DCC: variants seen among roughly 807,000 people sequenced by gnomAD.
The protein encoded by DCC is netrin receptor DCC.
A neutral mutation model predicts 172.5 loss-of-function variants in DCC; 58 were observed. That is an observed-to-expected ratio of 0.34 (90% CI 0.27 to 0.42). The LOEUF (loss-of-function observed/expected upper bound fraction) is 0.42. Ranked by LOEUF, DCC falls within the 10% of genes least tolerant of loss-of-function variation. DCC has a pLI of 1.00. For missense variants in DCC, 1,740 were observed against 1,791.0 expected (o/e 0.97, Z 0.51); for synonymous variants, 709 against 644.5 (o/e 1.10, Z -1.52).
chr18:53,471,417 C>A (rs1033009925), intron 25 of DCC, among the ~76,000 whole-genome samples: 2 of 152,014 alleles, frequency 1.3e-5, no homozygotes, highest in African/African-American at 4.8e-5. Context: ...TTTTTTGTAC[C>A]CATTAATCTT....
intron 1 of DCC, among the ~76,000 whole-genome samples, chr18:52,550,000 C>G (rs1354455445): frequency 6.6e-6 from 1 of 151,890 alleles, no homozygotes; most frequent in Non-Finnish European, 1.5e-5. Context: ...AAAAAAGTAA[C>G]TTTATAGTAG....
In DCC at chr18:52,857,393, A is replaced by G. The variant is rs114558078; in HGVS notation, c.413-48651A>G. Among the ~76,000 whole-genome samples the G allele has an allele frequency of 2.2e-3, 335 of 152,278 alleles. 2 individuals are homozygous for G. The highest frequency in any genetic ancestry group is 7.7e-3 in the African/African-American group (319 of 41,558). Reference sequence around the variant, plus strand: ...AAAGAGAAAGATGGTCCACTTAACTAGGGAAAAAAAGTTTCATTTTAGTGC... The same window carrying G: ...AAAGAGAAAGATGGTCCACTTAACTGGGGAAAAAAAGTTTCATTTTAGTGC... On this transcript the variant is annotated intron_variant, in intron 2 of 28. Transcript: ENST00000442544.
intron 22 of DCC, among the ~76,000 whole-genome samples, chr18:53,447,232 T>C (rs375798917): frequency 1.4e-3 from 208 of 152,350 alleles, no homozygotes; most frequent in Middle Eastern, 6.8e-3. Flanking sequence ...ATAACAAGAA[T>C]TGACTGCCAC....
At chr18:52,943,885 G>A (rs962610205) in intron 5 of DCC, among the ~76,000 whole-genome samples, 1 of 152,056 alleles carries the variant, frequency 6.6e-6, no homozygotes, top group African/African-American at 2.4e-5. Context: ...GAGCAGCTGG[G>A]GCCGCAGGTG....
At chr18:53,144,503 A>G (rs900546397) in intron 7 of DCC, among the ~76,000 whole-genome samples, 12 of 152,138 alleles carry the variant, frequency 7.9e-5, no homozygotes, top group Non-Finnish European at 1.3e-4. Context: ...TCCCCCTTAT[A>G]AAACCATCAG....
chr18:52,423,713 T>C (rs1013936975), intron 1 of DCC, among the ~76,000 whole-genome samples: 2 of 152,118 alleles, frequency 1.3e-5, no homozygotes, highest in Admixed American at 6.6e-5. Context: ...GTTTATGGCA[T>C]TGATGAGTAA....
At position 53,532,852 on chromosome 18, in the gene DCC, A is replaced by G. The variant is rs886789923; in HGVS notation, c.*2199A>G. The G allele has an allele frequency of 5.9e-5, 9 of 151,984 alleles. No homozygotes were observed. The highest frequency in any genetic ancestry group is 1.2e-4 in the Non-Finnish European group (8 of 68,004). 9.4% of individuals were successfully genotyped at this position (151,984 alleles called of 1,614,324 possible). On this transcript the variant is annotated 3_prime_UTR_variant, in exon 29 of 29. Coordinates refer to ENST00000442544, the MANE Select transcript of DCC (RefSeq NM_005215.4). ...AAAAAAAAAACCTATCATTTTCACAAATTTCTAGATCCTTCTAGTCAAAAA... is the reference window on the plus strand; with the variant it reads ...AAAAAAAAAACCTATCATTTTCACAGATTTCTAGATCCTTCTAGTCAAAAA...
chr18:53,178,902 A>C, intron 8 of DCC, 60 bp from the exon 9 acceptor site: 1 of 1,594,530 alleles, frequency 6.3e-7, no homozygotes. Context: ...CATCAAATAC[A>C]GATTTTGGCT....
intron 1 of DCC, among the ~76,000 whole-genome samples, chr18:52,352,075 A>G (rs893552705): frequency 2.6e-5 from 4 of 152,202 alleles, no homozygotes; most frequent in African/African-American, 7.2e-5. Context: ...CAACTTTCCC[A>G]CCTATAAAAT....
rs998633187 is a variant in DCC at position 52,515,653 on chromosome 18, C to CA, written c.91+174784dup. Among the ~76,000 whole-genome samples the CA allele has an allele frequency of 4.3e-3, 320 of 74,726 alleles. 1 individual carries two copies. The highest frequency in any genetic ancestry group is 0.012 in the African/African-American group (259 of 21,800). 49.0% of individuals were successfully genotyped at this position (74,726 alleles called of 152,430 possible). On this transcript the variant is annotated intron_variant, in intron 1 of 28. Transcript: ENST00000442544. Reference sequence around the variant, plus strand: ...CATACAGGTAAAATGTAAAAGAATACAAAAAAAAATAGGATATTGTCTCCA... The same window carrying CA: ...CATACAGGTAAAATGTAAAAGAATACAAAAAAAAAATAGGATATTGTCTCCA...
At chr18:52,509,934 C>A (rs2031372805) in intron 1 of DCC, among the ~76,000 whole-genome samples, 1 of 152,076 alleles carries the variant, frequency 6.6e-6, no homozygotes, top group Non-Finnish European at 1.5e-5. Context: ...GAAACCCTTT[C>A]TCTACTAAAA....
chr18:52,452,663 A>T (rs1354662587), intron 1 of DCC, among the ~76,000 whole-genome samples: 1 of 152,264 alleles, frequency 6.6e-6, no homozygotes, highest in South Asian at 2.1e-4. Flanking sequence ...TCATGTCACA[A>T]CATAGTACAT....
At chr18:52,663,992 T>G (rs777918736) in intron 1 of DCC, among the ~76,000 whole-genome samples, 8 of 150,420 alleles carry the variant, frequency 5.3e-5, no homozygotes, top group Non-Finnish European at 1.0e-4. Context: ...AATAAGAACA[T>G]TATTTAGAAA....
intron 1 of DCC, among the ~76,000 whole-genome samples, chr18:52,418,576 G>T (rs1047502329): frequency 1.3e-5 from 2 of 152,170 alleles, no homozygotes; most frequent in South Asian, 2.1e-4. Flanking sequence ...CCAGGTTTTG[G>T]TTAGGGGAGA....
intron 12 of DCC, among the ~76,000 whole-genome samples, chr18:53,266,230 C>T (rs1207779752): frequency 1.3e-5 from 2 of 152,196 alleles, no homozygotes; most frequent in East Asian, 1.9e-4. Flanking sequence ...TACAGCTCAA[C>T]ACTGTTATCT....
At chr18:53,338,555 C>T (rs886375466) in intron 14 of DCC, among the ~76,000 whole-genome samples, 5 of 152,098 alleles carry the variant, frequency 3.3e-5, no homozygotes, top group East Asian at 3.9e-4. Context: ...GAGCCGAGAT[C>T]GTGCCACTGC....
At chr18:52,921,615 G>A (rs992810245) in intron 3 of DCC, among the ~76,000 whole-genome samples, 4 of 151,586 alleles carry the variant, frequency 2.6e-5, no homozygotes, top group South Asian at 2.1e-4. Context: ...AGGAGAATCC[G>A]TTGAACCCAG....
chr18:52,801,880 T>TC (rs1475918529), intron 2 of DCC, among the ~76,000 whole-genome samples: 2 of 152,188 alleles, frequency 1.3e-5, no homozygotes, highest in East Asian at 1.9e-4. Context: ...CTGCTTTTTT[T>TC]CTCTATGTGC....
chr18:53,021,039 A>C (rs891063523), intron 5 of DCC, among the ~76,000 whole-genome samples: 1 of 152,152 alleles, frequency 6.6e-6, no homozygotes, highest in African/African-American at 2.4e-5. Context: ...AGCAGAGAGG[A>C]AAATATCCTG....
Sources: gnomAD v4.1 joint callset for allele counts (sites outside exome capture counted in the v4.1 genomes callset) on GRCh38, gnomAD v4.1.1 for gene constraint, MANE v1.5 for transcripts, NCBI Gene and HGNC (gene_info 2026-07-23, HGNC 2026-07-21) for gene names.